The following TACC1 variants were observed in gnomAD, a reference collection of about 807,000 sequenced individuals.
TACC1 encodes transforming acidic coiled-coil-containing protein 1.
In TACC1, 48 loss-of-function variants were observed where a neutral mutation model predicts 84.4. The ratio of observed to expected loss-of-function variants is 0.57; its 90% CI spans 0.45 to 0.72. The LOEUF (loss-of-function observed/expected upper bound fraction) is 0.72. Among genes scored for constraint, TACC1 ranks in the 30% least tolerant of loss-of-function variants. The pLI, the probability that TACC1 is intolerant of heterozygous loss-of-function variation, is 0.00. For missense variants in TACC1, 920 were observed against 973.0 expected (o/e 0.95, Z 0.72); for synonymous variants, 372 against 376.3 (o/e 0.99, Z 0.13).
At chr8:38,806,286 C>T (rs1269643152) in intron 2 of TACC1, among the ~76,000 whole-genome samples, 1 of 152,164 alleles carries the variant, frequency 6.6e-6, no homozygotes, top group Non-Finnish European at 1.5e-5. Flanking sequence ...ATGACCTTGA[C>T]TCCGTCATGC....
chr8:38,787,550 C>G lies in TACC1; in HGVS notation c.-33C>G. On this transcript the variant is annotated 5_prime_UTR_variant, in exon 1 of 13. Transcript: ENST00000317827. The stretch of plus-strand genomic sequence containing the variant: ...AAGGCTCTCCCCACCCATTCCCCTG[C>G]CCCTAGGAGCTGGAGCCGGAGGAGC... 6.6e-7 allele frequency: 1 copy of G among 1,523,252 alleles called. No individual in the cohort carries two copies. The highest frequency in any genetic ancestry group is 8.8e-7 in the Non-Finnish European group (1 of 1,136,408). The allele number at this position is 1,523,252 out of a possible 1,614,324, so 94.4% of individuals were successfully genotyped here.
intron 9 of TACC1, among the ~76,000 whole-genome samples, chr8:38,841,131 T>C (rs150873831): frequency 6.6e-6 from 1 of 152,338 alleles, no homozygotes; most frequent in Non-Finnish European, 1.5e-5. Context: ...TTTTCATTGA[T>C]TGATCAGTAT....
At chr8:38,821,370 C>T (rs181402559) in intron 3 of TACC1, among the ~76,000 whole-genome samples, 2 of 152,326 alleles carry the variant, frequency 1.3e-5, no homozygotes, top group African/African-American at 4.8e-5. Context: ...TAACTTACCT[C>T]TGTAGCGTCA....
intron 1 of TACC1, among the ~76,000 whole-genome samples, chr8:38,735,383 C>T (rs1381968556): frequency 6.6e-6 from 1 of 152,168 alleles, no homozygotes; most frequent in African/African-American, 2.4e-5. Flanking sequence ...TTAGAAATCA[C>T]TCTCCACCGT....
chr8:38,764,974 C>T lies in TACC1; in HGVS notation c.26+19481C>T, dbSNP rs184568312. On this transcript the variant is annotated intron_variant, in intron 3 of 14. Coordinates refer to the TACC1 transcript ENST00000518415. ...ATTAGCCAGGCATGGTGGCAGGAGC[C>T]TATAATCCCAGCTACTCAAGAGGCT... Among the ~76,000 whole-genome samples the T allele has an allele frequency of 1.6e-4, 24 of 152,178 alleles. No individual in the cohort carries two copies. The East Asian group carries it at 4.4e-3, about 28-fold the overall frequency.
At chr8:38,781,677 G>C (rs1816026314) in intron 3 of TACC1, among the ~76,000 whole-genome samples, 2 of 152,050 alleles carry the variant, frequency 1.3e-5, no homozygotes, top group Admixed American at 1.3e-4. Flanking sequence ...CACTGCGCCT[G>C]GCCAGGAATA....
At chr8:38,783,379 A>T (rs1816523727), upstream of TACC1, among the ~76,000 whole-genome samples, 1 of 151,456 alleles carries the variant, frequency 6.6e-6, no homozygotes, top group Admixed American at 6.6e-5. Flanking sequence ...TAATAAATGC[A>T]GTTTGGATCT....
At chr8:38,828,193 G>C (rs1321075697) in intron 5 of TACC1, 1 of 152,200 alleles carries the variant, frequency 6.6e-6, no homozygotes, top group African/African-American at 2.4e-5. Context: ...TACAGGCATT[G>C]TTTTAAGTGC....
chr8:38,808,900 C>T (rs1289837166), intron 2 of TACC1, among the ~76,000 whole-genome samples: 2 of 151,950 alleles, frequency 1.3e-5, no homozygotes, highest in Non-Finnish European at 2.9e-5. Flanking sequence ...ATTCTTCTCC[C>T]ACCCACCGCC....
At chr8:38,735,233 G>A (rs1413439205) in intron 1 of TACC1, among the ~76,000 whole-genome samples, 6 of 152,182 alleles carry the variant, frequency 3.9e-5, no homozygotes, top group Admixed American at 6.5e-5. Flanking sequence ...TGGAAAATGA[G>A]GCTTAAGACA....
intron 3 of TACC1, among the ~76,000 whole-genome samples, chr8:38,769,473 G>C (rs1813040793): frequency 6.8e-6 from 1 of 146,256 alleles, no homozygotes; most frequent in African/African-American, 2.5e-5. Flanking sequence ...GTGTGTGTGT[G>C]AGACTGGGTA....
At chr8:38,846,649 G>T (rs1407631929) in intron 11 of TACC1, 50 bp from the exon 12 acceptor site, 2 of 1,608,468 alleles carry the variant, frequency 1.2e-6, no homozygotes, top group Middle Eastern at 1.7e-4. Context: ...TTGACTAGTG[G>T]CTAATCATGT....
intron 2 of TACC1, among the ~76,000 whole-genome samples, chr8:38,794,830 A>C (rs1294879313): frequency 6.6e-6 from 1 of 152,198 alleles, no homozygotes; most frequent in African/African-American, 2.4e-5. Context: ...AGGACCTTTC[A>C]TATTACCTAG....
intron 1 of TACC1, among the ~76,000 whole-genome samples, chr8:38,729,937 A>G (rs1003359041): frequency 6.6e-6 from 1 of 152,226 alleles, no homozygotes; most frequent in African/African-American, 2.4e-5. Context: ...GAAGGGATGC[A>G]GGTCCCCTTT....
At chr8:38,738,431 T>C (rs556526148) in intron 1 of TACC1, among the ~76,000 whole-genome samples, 12 of 152,312 alleles carry the variant, frequency 7.9e-5, no homozygotes, top group African/African-American at 2.9e-4. Context: ...TGGAATTCCA[T>C]CATGGACATT....
chr8:38,731,432 G>C (rs1804904498), intron 1 of TACC1, among the ~76,000 whole-genome samples: 1 of 152,200 alleles, frequency 6.6e-6, no homozygotes, highest in African/African-American at 2.4e-5. Flanking sequence ...ATATCATGAA[G>C]ATAAGATTAG....
At chr8:38,761,987 A>G (rs965662557) in intron 3 of TACC1, among the ~76,000 whole-genome samples, 7 of 152,348 alleles carry the variant, frequency 4.6e-5, no homozygotes, top group African/African-American at 1.7e-4. Flanking sequence ...GAATTGCATG[A>G]CAAGGGAATT....
At chr8:38,821,643 T>C (rs1826846387) in intron 3 of TACC1, among the ~76,000 whole-genome samples, 1 of 152,234 alleles carries the variant, frequency 6.6e-6, no homozygotes, top group East Asian at 1.9e-4. Flanking sequence ...TTTTGCAAGG[T>C]CCTTGGTGTT....
At chr8:38,763,244 G>A (rs1563321064) in intron 3 of TACC1, among the ~76,000 whole-genome samples, 1 of 151,918 alleles carries the variant, frequency 6.6e-6, no homozygotes, top group Non-Finnish European at 1.5e-5. Flanking sequence ...TGAACTCCTG[G>A]GCTGAAACAA....
Sources: allele counts gnomAD v4.1 joint callset (sites outside exome capture counted in the v4.1 genomes callset), GRCh38; gene constraint gnomAD v4.1.1; transcripts MANE v1.5; gene names NCBI Gene and HGNC (gene_info 2026-07-23, HGNC 2026-07-21).